Variants in TLE4 observed in about 807,000 individuals in gnomAD.
TLE4 encodes the protein transducin-like enhancer protein 4.
In TLE4, 8 loss-of-function variants were observed where a neutral mutation model predicts 92.8. The observed-to-expected ratio is 0.09, with a 90% CI of 0.05 to 0.16. TLE4 has a LOEUF of 0.16. Ranked by LOEUF, TLE4 falls within the 10% of genes least tolerant of loss-of-function variation. TLE4 has a pLI of 1.00. For missense variants in TLE4, 675 were observed against 997.6 expected, an observed-to-expected ratio of 0.68 and a Z score of 4.36; for synonymous variants, 371 against 374.1, an observed-to-expected ratio of 0.99 and a Z score of 0.10.
At chr9:79,706,236 G>A (rs1177492594) in intron 10 of TLE4, among the ~76,000 whole-genome samples, 1 of 151,874 alleles carries the variant, frequency 6.6e-6, no homozygotes, top group East Asian at 1.9e-4. Flanking sequence ...GTGGAGATGG[G>A]GTCTCATTAT....
intron 4 of TLE4, among the ~76,000 whole-genome samples, chr9:79,594,075 C>CAAAAAGTGT (rs1405464967): frequency 6.6e-6 from 1 of 152,160 alleles, no homozygotes; most frequent in Non-Finnish European, 1.5e-5. Context: ...CTGATCTGGG[C>CAAAAAGTGT]CTTAGGCATC....
intron 4 of TLE4, among the ~76,000 whole-genome samples, chr9:79,602,052 C>T (rs1446893375): frequency 2.0e-5 from 3 of 152,152 alleles, no homozygotes; most frequent in Non-Finnish European, 4.4e-5. Flanking sequence ...TAAGCCAAAG[C>T]CTAATCCAGA....
In TLE4 at chr9:79,725,507, G is replaced by C; in HGVS notation, c.*363G>C. The C allele has an allele frequency of 5.9e-6, 1 of 168,692 alleles. No individual in the cohort carries two copies. The highest frequency in any genetic ancestry group is 1.5e-4 in the South Asian group (1 of 6,696). 10.4% of individuals were successfully genotyped at this position (168,692 alleles called of 1,614,324 possible). A position where few individuals can be genotyped will look rare whatever the true frequency, so the allele number is the denominator to read the frequency against. ...CTGCTCCTGCATTGATAATGAAGGT[G>C]CGTTGTATTTGATACCCCTCCCCCC... is the stretch of plus-strand genomic sequence containing the variant. On this transcript the variant is annotated 3_prime_UTR_variant, in exon 20 of 20. Coordinates refer to ENST00000376552, the MANE Select transcript of TLE4 (RefSeq NM_007005.6).
intron 6 of TLE4, among the ~76,000 whole-genome samples, chr9:79,651,382 G>A (rs2058963280): frequency 6.6e-6 from 1 of 152,134 alleles, no homozygotes; most frequent in African/African-American, 2.4e-5. Flanking sequence ...GGTTCCTGTA[G>A]CAGAGTTTGA....
chr9:79,642,458 A>G (rs181984620), intron 6 of TLE4, among the ~76,000 whole-genome samples: 328 of 151,976 alleles, frequency 2.2e-3, no homozygotes, highest in Middle Eastern at 0.014. Context: ...CTCTGAAGTA[A>G]CTAAAGAAAG....
chr9:79,662,770 T>C (rs2060732129), intron 8 of TLE4, among the ~76,000 whole-genome samples: 1 of 152,194 alleles, frequency 6.6e-6, no homozygotes, highest in Non-Finnish European at 1.5e-5. Context: ...AAAGGGCTGG[T>C]TGTCGCATAA....
At chr9:79,650,894 C>T (rs2058844276) in intron 6 of TLE4, among the ~76,000 whole-genome samples, 1 of 151,888 alleles carries the variant, frequency 6.6e-6, no homozygotes, top group Non-Finnish European at 1.5e-5. Context: ...TGTACTTGGA[C>T]TTTTGTAGTC....
At chr9:79,612,018 T>C (rs1430279591) in intron 4 of TLE4, among the ~76,000 whole-genome samples, 1 of 151,912 alleles carries the variant, frequency 6.6e-6, no homozygotes, top group African/African-American at 2.4e-5. Context: ...GTAATAAGAT[T>C]TTAGCATATC....
chr9:79,574,791 G>A, intron 2 of TLE4, 82 bp from the exon 3 acceptor site: 2 of 1,158,460 alleles, frequency 1.7e-6, no homozygotes. Context: ...GTTGTTTGTA[G>A]GTGAGATTTA....
chr9:79,606,283 T>C (rs2046924251), intron 4 of TLE4, among the ~76,000 whole-genome samples: 1 of 137,802 alleles, frequency 7.3e-6, no homozygotes, highest in African/African-American at 2.6e-5. Flanking sequence ...TTGCTAGCTA[T>C]ACTGACGATA....
chr9:79,651,668 A>G (rs2059020620), intron 6 of TLE4, among the ~76,000 whole-genome samples: 1 of 152,192 alleles, frequency 6.6e-6, no homozygotes, highest in Admixed American at 6.5e-5. Context: ...AGGAGGACCC[A>G]AGCCTTGCTA....
chr9:79,705,469 C>T (rs902450139), intron 9 of TLE4, among the ~76,000 whole-genome samples: 3 of 152,174 alleles, frequency 2.0e-5, no homozygotes, highest in Non-Finnish European at 4.4e-5. Flanking sequence ...CCTACAGGGC[C>T]GCAGGCCTCA....
rs574785147 is a variant in TLE4, at chr9:79,705,538, A to C, written c.730-351A>C. ...ATATGCAGTTTTTTAAAATACCAAC[A>C]AACCAGACCACACCTATCTGTAGGC... is the stretch of plus-strand genomic sequence containing the variant. On this transcript the variant is annotated intron_variant, in intron 9 of 19. Coordinates refer to ENST00000376552, the MANE Select transcript of TLE4 (RefSeq NM_007005.6). Among the ~76,000 whole-genome samples, 19 of 152,298 alleles carry C rather than the reference A, an allele frequency of 1.2e-4. No homozygotes were observed. In the East Asian group the frequency reaches 3.5e-3, roughly 28 times the overall value.
intron 8 of TLE4, among the ~76,000 whole-genome samples, chr9:79,673,639 C>T (rs2062774292): frequency 6.6e-6 from 1 of 152,128 alleles, no homozygotes; most frequent in Non-Finnish European, 1.5e-5. Flanking sequence ...TGGTTTCCTC[C>T]TTGCCTATTT....
At chr9:79,694,261 C>A (rs1421130748) in intron 8 of TLE4, among the ~76,000 whole-genome samples, 1 of 152,178 alleles carries the variant, frequency 6.6e-6, no homozygotes, top group Non-Finnish European at 1.5e-5. Context: ...AGATATTTTT[C>A]ATCAGTCCTT....
At chr9:79,721,700 C>T (rs750652835) in intron 16 of TLE4, 41 bp from the exon 17 acceptor site, 2 of 1,612,792 alleles carry the variant, frequency 1.2e-6, no homozygotes, top group Admixed American at 1.7e-5. Context: ...TAACTAAAAG[C>T]TAACTTTTCA....
chr9:79,626,081 C>T (rs2052539942), intron 5 of TLE4, among the ~76,000 whole-genome samples: 1 of 152,028 alleles, frequency 6.6e-6, no homozygotes, highest in Non-Finnish European at 1.5e-5. Flanking sequence ...ATACACATTT[C>T]TATTAGGAAA....
At chr9:79,609,205 C>A (rs2047796344) in intron 4 of TLE4, among the ~76,000 whole-genome samples, 1 of 151,974 alleles carries the variant, frequency 6.6e-6, no homozygotes, top group South Asian at 2.1e-4. Flanking sequence ...ATAAAAGATT[C>A]TTTTCTGTGT....
rs1014736405 is a variant in TLE4, at chr9:79,652,713, G to T, written c.511G>T (p.Ala171Ser). The change falls in exon 7 of 20, where the codon GCC becomes TCC. Residue 171 changes from alanine to serine, a missense_variant. Transcript: ENST00000376552. ...CATCGGTAGCAGTGCCGGGCTTCTG[G>T]CCCTCTCCAGTGCTCTAGGAGGTCA... Reference protein sequence around the residue: ...PPIGSSAGLLALSSALGGQSH... With the variant: ...PPIGSSAGLLSLSSALGGQSH... 2 of 1,614,008 alleles carry T rather than the reference G, an allele frequency of 1.2e-6. No individual in the cohort carries two copies. The highest frequency in any genetic ancestry group is 2.7e-5 in the African/African-American group (2 of 74,916).
Sources: gnomAD v4.1 joint callset for allele counts (sites outside exome capture counted in the v4.1 genomes callset) on GRCh38, gnomAD v4.1.1 for gene constraint, MANE v1.5 for transcripts, NCBI Gene and HGNC (gene_info 2026-07-23, HGNC 2026-07-21) for gene names.